KCND2: variants seen among roughly 807,000 people sequenced by gnomAD.
KCND2 encodes the protein potassium voltage-gated channel subfamily D member 2, also known as A-type voltage-gated potassium channel KCND2.
Under a neutral mutation model 54.4 loss-of-function variants are expected in KCND2, and 16 were observed. The observed-to-expected ratio is 0.29, with a 90% confidence interval of 0.20 to 0.45. The LOEUF (loss-of-function observed/expected upper bound fraction) is 0.45, where lower values mean the gene tolerates loss of function less well. Among genes scored for constraint, KCND2 ranks in the 20% least tolerant of loss-of-function variants. The pLI, the probability that KCND2 is intolerant of heterozygous loss-of-function variation, is 1.00. For missense variants in KCND2, 486 were observed against 824.2 expected (o/e 0.59, Z 5.02); for synonymous variants, 317 against 310.7 (o/e 1.02, Z -0.21).
At chr7:120,312,906 A>C (rs1799759857) in intron 1 of KCND2, among the ~76,000 whole-genome samples, 1 of 152,180 alleles carries the variant, frequency 6.6e-6, no homozygotes, top group African/African-American at 2.4e-5. Flanking sequence ...TTTAAAAAAA[A>C]GACTGATGAC....
intron 1 of KCND2, among the ~76,000 whole-genome samples, chr7:120,420,824 C>CAT (rs960685383): frequency 3.0e-4 from 45 of 152,234 alleles, no homozygotes; most frequent in African/African-American, 9.9e-4. Flanking sequence ...CTGGCAAAAT[C>CAT]ATACCTCTGA....
At chr7:120,498,030 A>G (rs17142782) in intron 1 of KCND2, among the ~76,000 whole-genome samples, 9,237 of 152,288 alleles carry the variant, frequency 0.061, 583 homozygotes, top group African/African-American at 0.17. Flanking sequence ...GCAATTTGTA[A>G]TACCAGATTT....
At position 120,371,100 on chromosome 7, in the gene KCND2, G is replaced by T. The variant is rs1182198201; in HGVS notation, c.1115+95353G>T. ...TGTCTCTATCGTAATTGATGGGAGA[G>T]AGAACATGCCACACCGTACACTTCC... On this transcript the variant is annotated intron_variant, in intron 1 of 5. Transcript: ENST00000331113. Among the ~76,000 whole-genome samples, 13 of 152,026 alleles carry T rather than the reference G, an allele frequency of 8.6e-5. No individual in the cohort carries two copies. The East Asian group carries it at 2.5e-3, about 29-fold the overall frequency.
chr7:120,352,310 C>T (rs1483576592), intron 1 of KCND2, among the ~76,000 whole-genome samples: 1 of 151,338 alleles, frequency 6.6e-6, no homozygotes, highest in Non-Finnish European at 1.5e-5. Flanking sequence ...CCGAAGGAAG[C>T]AATAGTTTTC....
intron 1 of KCND2, among the ~76,000 whole-genome samples, chr7:120,450,539 G>A (rs183312990): frequency 5.5e-4 from 83 of 152,274 alleles, no homozygotes; most frequent in African/African-American, 1.9e-3. Context: ...AGACAATGGA[G>A]AAAAGTCCTT....
chr7:120,343,958 C>T (rs376765870), intron 1 of KCND2, among the ~76,000 whole-genome samples: 13 of 152,052 alleles, frequency 8.5e-5, no homozygotes, highest in Admixed American at 1.3e-4. Flanking sequence ...AAAGTCTTTA[C>T]GACTGCAAAG....
At chr7:120,423,454 A>G (rs1394946871) in intron 1 of KCND2, among the ~76,000 whole-genome samples, 2 of 152,070 alleles carry the variant, frequency 1.3e-5, no homozygotes, top group East Asian at 1.9e-4. Context: ...ATTAATTGTC[A>G]CTCCACATCT....
chr7:120,730,038 G>T (rs1185445264), intron 1 of KCND2, among the ~76,000 whole-genome samples: 4 of 152,096 alleles, frequency 2.6e-5, no homozygotes, highest in Non-Finnish European at 4.4e-5. Flanking sequence ...AAAGTAAACA[G>T]TAAATAATGA....
intron 1 of KCND2, among the ~76,000 whole-genome samples, chr7:120,609,930 G>A (rs1792932016): frequency 6.6e-6 from 1 of 152,100 alleles, no homozygotes. Context: ...TAGGACTTAA[G>A]GAGTCCACAT....
At chr7:120,377,061 A>G (rs1284004851) in intron 1 of KCND2, among the ~76,000 whole-genome samples, 5 of 151,906 alleles carry the variant, frequency 3.3e-5, no homozygotes, top group African/African-American at 1.2e-4. Flanking sequence ...AAACTGCTGA[A>G]ATTGAAATCT....
chr7:120,315,135 G>A (rs1799794738), intron 1 of KCND2, among the ~76,000 whole-genome samples: 1 of 152,044 alleles, frequency 6.6e-6, no homozygotes, highest in Non-Finnish European at 1.5e-5. Flanking sequence ...CTATTAATAT[G>A]ATTTATTTCA....
At position 120,274,717 on chromosome 7, in the gene KCND2, G is replaced by T. The variant is rs746880258; in HGVS notation, c.85G>T (p.Ala29Ser). 1 of 1,613,874 alleles carries T rather than the reference G, an allele frequency of 6.2e-7. No individual in the cohort carries two copies. Among genetic ancestry groups the T allele is most frequent in the South Asian group, 1.1e-5 (1 of 91,070 alleles). ...WMPVASGPMPAPPRQERKRTQ... is the reference protein window; with the variant it reads ...WMPVASGPMPSPPRQERKRTQ... ...GCCTGTGGCCTCGGGGCCTATGCCG[G>T]CTCCCCCGAGGCAGGAGAGGAAAAG... The change falls in exon 1 of 6, where the codon GCT becomes TCT. Residue 29 changes from alanine (A) to serine (S), a missense_variant. By Grantham distance (99) the Ala-to-Ser change is moderately conservative. Transcript: ENST00000331113.
intron 1 of KCND2, among the ~76,000 whole-genome samples, chr7:120,340,917 G>A (rs1280372335): frequency 1.3e-5 from 2 of 152,158 alleles, no homozygotes; most frequent in East Asian, 3.8e-4. Context: ...TTTTTGTTTT[G>A]CTGGTGGTGA....
intron 1 of KCND2, among the ~76,000 whole-genome samples, chr7:120,560,434 A>G (rs776222392): frequency 1.3e-5 from 2 of 152,252 alleles, no homozygotes; most frequent in Non-Finnish European, 1.5e-5. Flanking sequence ...AGTAAAATGT[A>G]GAACTTGTCA....
intron 1 of KCND2, among the ~76,000 whole-genome samples, chr7:120,370,193 G>A (rs533961876): frequency 6.6e-6 from 1 of 152,086 alleles, no homozygotes; most frequent in South Asian, 2.1e-4. Flanking sequence ...AGCATTTCCT[G>A]GAGTGTTTAA....
chr7:120,346,076 C>G (rs1199210046), intron 1 of KCND2, among the ~76,000 whole-genome samples: 1 of 152,114 alleles, frequency 6.6e-6, no homozygotes, highest in Admixed American at 6.6e-5. Flanking sequence ...TTTTGATATG[C>G]ATTTTCCTAA....
chr7:120,427,071 C>T (rs1044029724), intron 1 of KCND2, among the ~76,000 whole-genome samples: 2 of 152,164 alleles, frequency 1.3e-5, no homozygotes, highest in Non-Finnish European at 2.9e-5. Flanking sequence ...CATGTTTTCT[C>T]AAGCTTTCTT....
chr7:120,349,611 G>T (rs1429326264), intron 1 of KCND2, among the ~76,000 whole-genome samples: 2 of 152,116 alleles, frequency 1.3e-5, no homozygotes, highest in Non-Finnish European at 2.9e-5. Flanking sequence ...CTTTCTCAGA[G>T]AATCTCACTA....
At chr7:120,301,631 T>G (rs1799586501) in intron 1 of KCND2, among the ~76,000 whole-genome samples, 1 of 152,164 alleles carries the variant, frequency 6.6e-6, no homozygotes, top group African/African-American at 2.4e-5. Flanking sequence ...CCTAGTTTCT[T>G]TTGAGGAATA....
Sources: allele counts gnomAD v4.1 joint callset (sites outside exome capture counted in the v4.1 genomes callset), GRCh38; gene constraint gnomAD v4.1.1; transcripts MANE v1.5; gene names NCBI Gene and HGNC (gene_info 2026-07-23, HGNC 2026-07-21).